SLC24A3: variants seen among roughly 807,000 people sequenced by gnomAD.
SLC24A3 encodes the protein solute carrier family 24 member 3.
In SLC24A3, 28 loss-of-function variants were observed where a neutral mutation model predicts 75.8. The ratio of observed to expected loss-of-function variants is 0.37; its 90% CI spans 0.27 to 0.51. The LOEUF (loss-of-function observed/expected upper bound fraction) is 0.51, where lower values mean the gene tolerates loss of function less well. Among genes scored for constraint, SLC24A3 ranks in the 20% least tolerant of loss-of-function variants. SLC24A3 has a pLI of 0.94. For missense variants in SLC24A3, 663 were observed against 847.8 expected (o/e 0.78, Z 2.71); for synonymous variants, 372 against 334.1 (o/e 1.11, Z -1.24).
At chr20:19,478,074 G>C (rs1236575771) in intron 2 of SLC24A3, among the ~76,000 whole-genome samples, 1 of 152,182 alleles carries the variant, frequency 6.6e-6, no homozygotes, top group African/African-American at 2.4e-5. Flanking sequence ...ATTGCCATCT[G>C]TCACCTTGGT....
chr20:19,396,289 C>T (rs190699700), intron 2 of SLC24A3, among the ~76,000 whole-genome samples: 7 of 152,180 alleles, frequency 4.6e-5, no homozygotes, highest in Admixed American at 3.3e-4. Flanking sequence ...TAAAGCAAGA[C>T]ATAATAAACT....
At chr20:19,517,870 C>T (rs571744543) in intron 3 of SLC24A3, among the ~76,000 whole-genome samples, 1 of 152,272 alleles carries the variant, frequency 6.6e-6, no homozygotes, top group South Asian at 2.1e-4. Context: ...GGCAGAGCAG[C>T]AGGGCAGAGA....
At chr20:19,370,052 G>A (rs1045448188) in intron 2 of SLC24A3, among the ~76,000 whole-genome samples, 1 of 152,060 alleles carries the variant, frequency 6.6e-6, no homozygotes, top group African/African-American at 2.4e-5. Context: ...GGAAATCTAA[G>A]CTTTTTCCCA....
chr20:19,661,445 C>T (rs917925694), intron 7 of SLC24A3, among the ~76,000 whole-genome samples: 1 of 152,120 alleles, frequency 6.6e-6, no homozygotes, highest in Non-Finnish European at 1.5e-5. Context: ...TTAGCTAAGC[C>T]GTCTGCACCC....
intron 6 of SLC24A3, among the ~76,000 whole-genome samples, chr20:19,632,218 G>A (rs1326208029): frequency 1.3e-5 from 2 of 152,134 alleles, no homozygotes; most frequent in African/African-American, 2.4e-5. Flanking sequence ...CCATAGCAGG[G>A]TAGGTGTATT....
chr20:19,716,040 T>A (rs1418841128), intron 15 of SLC24A3, among the ~76,000 whole-genome samples: 1 of 152,212 alleles, frequency 6.6e-6, no homozygotes, highest in Non-Finnish European at 1.5e-5. Flanking sequence ...GTTCTTAAAC[T>A]TTCCTGTGCA....
intron 2 of SLC24A3, among the ~76,000 whole-genome samples, chr20:19,512,320 C>G (rs764918033): frequency 2.0e-5 from 3 of 152,188 alleles, no homozygotes; most frequent in Non-Finnish European, 4.4e-5. Flanking sequence ...CTCTTTGGCT[C>G]ACCCCTGCCC....
intron 3 of SLC24A3, among the ~76,000 whole-genome samples, chr20:19,525,043 C>T (rs969536592): frequency 2.6e-5 from 4 of 152,182 alleles, no homozygotes; most frequent in African/African-American, 4.8e-5. Flanking sequence ...CAGAACAAGA[C>T]CTGCTGCTTA....
intron 2 of SLC24A3, among the ~76,000 whole-genome samples, chr20:19,507,083 T>C (rs1988471900): frequency 6.6e-6 from 1 of 152,262 alleles, no homozygotes; most frequent in Non-Finnish European, 1.5e-5. Flanking sequence ...AATTAAGTTA[T>C]GCATTTATGT....
At chr20:19,232,276 A>G (rs902694806) in intron 1 of SLC24A3, among the ~76,000 whole-genome samples, 1 of 152,184 alleles carries the variant, frequency 6.6e-6, no homozygotes, top group African/African-American at 2.4e-5. Context: ...GTGACATTCT[A>G]TTTATTTTGT....
chr20:19,526,660 A>G (rs1269063430), intron 3 of SLC24A3, among the ~76,000 whole-genome samples: 1 of 152,158 alleles, frequency 6.6e-6, no homozygotes, highest in Non-Finnish European at 1.5e-5. Context: ...CCCCACTATC[A>G]GAGGGTCCAC....
intron 2 of SLC24A3, among the ~76,000 whole-genome samples, chr20:19,410,814 T>G (rs1165333360): frequency 1.3e-5 from 2 of 152,236 alleles, no homozygotes; most frequent in Non-Finnish European, 2.9e-5. Context: ...ATTCGTTTTC[T>G]CTACAAACAT....
chr20:19,383,350 G>A (rs148387204), intron 2 of SLC24A3, among the ~76,000 whole-genome samples: 1 of 151,986 alleles, frequency 6.6e-6, no homozygotes, highest in Non-Finnish European at 1.5e-5. Flanking sequence ...GAGACAAACT[G>A]TTTCCTTTAA....
intron 2 of SLC24A3, among the ~76,000 whole-genome samples, chr20:19,485,822 G>T (rs965425191): frequency 3.9e-5 from 6 of 152,086 alleles, no homozygotes; most frequent in African/African-American, 1.4e-4. Context: ...GAAACAAAGT[G>T]CCCCCCATGG....
intron 1 of SLC24A3, among the ~76,000 whole-genome samples, chr20:19,264,491 G>A (rs1214429202): frequency 6.6e-6 from 1 of 151,942 alleles, no homozygotes; most frequent in African/African-American, 2.4e-5. Flanking sequence ...TTGGGAGGCC[G>A]AGGCGGGTGG....
chr20:19,526,768 A>G (rs907002186), intron 3 of SLC24A3, among the ~76,000 whole-genome samples: 7 of 152,220 alleles, frequency 4.6e-5, no homozygotes, highest in African/African-American at 1.2e-4. Flanking sequence ...AAGTAAGAGT[A>G]TAAGTTATTT....
At chr20:19,354,620 G>A (rs1600444649) in intron 2 of SLC24A3, among the ~76,000 whole-genome samples, 1 of 126,124 alleles carries the variant, frequency 7.9e-6, no homozygotes, top group Admixed American at 7.2e-5. Flanking sequence ...GTGTGTGTGT[G>A]TGTATGTGTG....
chr20:19,315,869 G>A (rs1984573670), intron 2 of SLC24A3, among the ~76,000 whole-genome samples: 1 of 152,206 alleles, frequency 6.6e-6, no homozygotes, highest in Non-Finnish European at 1.5e-5. Context: ...AGTTGAAAAT[G>A]CATTTAATAC....
intron 3 of SLC24A3, among the ~76,000 whole-genome samples, chr20:19,518,320 C>G (rs2030035449): frequency 6.6e-6 from 1 of 152,178 alleles, no homozygotes; most frequent in Non-Finnish European, 1.5e-5. Context: ...TCTAGATGCT[C>G]AGGACATGGC....
Sources: allele counts gnomAD v4.1 joint callset (sites outside exome capture counted in the v4.1 genomes callset), GRCh38; gene constraint gnomAD v4.1.1; transcripts MANE v1.5; gene names NCBI Gene and HGNC (gene_info 2026-07-23, HGNC 2026-07-21).